FOXK1: variants seen among roughly 807,000 people sequenced by gnomAD.
FOXK1 encodes the protein forkhead box protein K1.
Under a neutral mutation model 51.9 loss-of-function variants are expected in FOXK1, and 19 were observed. The ratio of observed to expected loss-of-function variants is 0.37; its 90% CI spans 0.26 to 0.54. The LOEUF is 0.54. Ranked by LOEUF, FOXK1 falls within the 20% of genes least tolerant of loss-of-function variation. FOXK1 has a pLI of 0.87. For missense variants in FOXK1, 870 were observed against 1,032.7 expected (o/e 0.84, Z 2.16); for synonymous variants, 537 against 482.6 (o/e 1.11, Z -1.48).
rs1562373081 is a variant in FOXK1 at position 4,705,994 on chromosome 7, G to GTATGTA, written c.560+23129_560+23130insGTATAT. 3.7e-3 allele frequency among the ~76,000 whole-genome samples: 331 copies of GTATGTA among 88,968 alleles called. 19 individuals carry two copies. In the African/African-American group the frequency reaches 0.039, roughly 11 times the overall value. The allele number at this position is 88,968 out of a possible 152,430, so 58.4% of individuals were successfully genotyped here. On this transcript the variant is annotated intron_variant, in intron 1 of 8. Transcript: ENST00000328914. ...TATACGTATATATACGTATATATAC[G>GTATGTA]TATATATACGTATATATACGTATAT...
chr7:4,683,073 G>T lies in FOXK1; in HGVS notation c.560+205G>T, dbSNP rs758098883. ...GGCTCCCTAGGATCACCCCGACCCCGATCCTGGAGGCTCCAGCCTGAGGAT... is the reference window on the plus strand; with the variant it reads ...GGCTCCCTAGGATCACCCCGACCCCTATCCTGGAGGCTCCAGCCTGAGGAT... On this transcript the variant is annotated intron_variant, in intron 1 of 8. Transcript: ENST00000328914. The surrounding 1 kb of genome is among the most constrained non-coding windows in gnomAD (Gnocchi z 4.5). Among the ~76,000 whole-genome samples, 5 of 107,982 alleles carry T rather than the reference G, an allele frequency of 4.6e-5. No individual in the cohort carries two copies. The highest frequency in any genetic ancestry group is 7.3e-5 in the Non-Finnish European group (4 of 54,630). The allele number at this position is 107,982 out of a possible 152,430, so 70.8% of individuals were successfully genotyped here. A position where few individuals can be genotyped will look rare whatever the true frequency, so the allele number is the denominator to read the frequency against.
At chr7:4,699,129 T>C (rs147704239) in intron 1 of FOXK1, among the ~76,000 whole-genome samples, 202 of 152,322 alleles carry the variant, frequency 1.3e-3, no homozygotes, top group African/African-American at 4.8e-3. Flanking sequence ...CATCAGCCCT[T>C]CTTTGTCATT....
rs200047032 is a variant in FOXK1, at chr7:4,754,572, C to A, written c.860C>A (p.Ala287Glu). The A allele has an allele frequency of 1.1e-5, 17 of 1,608,708 alleles. No individual in the cohort carries two copies. Among genetic ancestry groups the A allele is most frequent in the Non-Finnish European group, 1.4e-5 (16 of 1,180,026 alleles). Residue 287 changes from alanine (A) to glutamate (E), a missense_variant, in exon 3 of 9, where the codon GCG (alanine) becomes GAG (glutamate). Transcript: ENST00000328914. ...QLAAEFAAKA[A>E]SEQQADTSGG... ...GCAGCAGAGTTTGCAGCAAAGGCCG[C>A]GTCGGAGCAGCAGGCAGACACGTCT...
At chr7:4,701,394 C>A (rs187621202) in intron 1 of FOXK1, among the ~76,000 whole-genome samples, 22 of 152,242 alleles carry the variant, frequency 1.4e-4, no homozygotes. Flanking sequence ...TTTTAGCCAC[C>A]GTGCCCAGCC....
At chr7:4,685,276 A>C (rs1428127659) in intron 1 of FOXK1, among the ~76,000 whole-genome samples, 1 of 129,164 alleles carries the variant, frequency 7.7e-6, no homozygotes, top group Non-Finnish European at 1.6e-5. Context: ...TCCAGACTGG[A>C]GTGCAGTGGC....
At position 4,766,758 on chromosome 7, in the gene FOXK1, C is replaced by T. The variant is rs1421634955; in HGVS notation, c.*4294C>T. On this transcript the variant is annotated 3_prime_UTR_variant, in exon 9 of 9. Transcript: ENST00000328914. The surrounding 1 kb of genome is among the most constrained non-coding windows in gnomAD (Gnocchi z 5.5). ...TCCATTTTCTGTACTGGTTTGAGATCACAGGCATCATTCAGCGAATGCTCT... is the reference window on the plus strand; with the variant it reads ...TCCATTTTCTGTACTGGTTTGAGATTACAGGCATCATTCAGCGAATGCTCT... The T allele has an allele frequency of 2.6e-5, 4 of 152,190 alleles. No homozygotes were observed. Among genetic ancestry groups the T allele is most frequent in the Non-Finnish European group, 5.9e-5 (4 of 68,050 alleles). 9.4% of individuals were successfully genotyped at this position (152,190 alleles called of 1,614,324 possible).
chr7:4,731,043 G>C lies in FOXK1; in HGVS notation c.561-9795G>C, dbSNP rs1469720499. Among the ~76,000 whole-genome samples the C allele has an allele frequency of 6.6e-6, 1 of 152,160 alleles. No homozygotes were observed. The highest frequency in any genetic ancestry group is 1.5e-5 in the Non-Finnish European group (1 of 68,028). Reference sequence around the variant, plus strand: ...ATTTGCTGAACAGTCTTATTTCTCGGAGGAGTTTAAGCAAACACTGCAGGG... The same window carrying C: ...ATTTGCTGAACAGTCTTATTTCTCGCAGGAGTTTAAGCAAACACTGCAGGG... On this transcript the variant is annotated intron_variant, in intron 1 of 8. Coordinates refer to ENST00000328914, the MANE Select transcript of FOXK1 (RefSeq NM_001037165.2). This position sits in a 1 kb window ranked among gnomAD's most constrained non-coding sequence, Gnocchi z 5.3.
At chr7:4,759,635 G>A (rs1007087610) in intron 7 of FOXK1, 40 bp downstream of exon 7, 2 of 1,510,044 alleles carry the variant, frequency 1.3e-6, no homozygotes, top group African/African-American at 1.4e-5. Context: ...AGGACCCTTT[G>A]TGGTGGTCCC....
Position 4,761,409 on chromosome 7 carries a change from C to T in FOXK1, c.1921+121C>T, listed in dbSNP as rs1780931256. 3.0e-6 allele frequency: 3 copies of T among 1,016,230 alleles called. No individual in the cohort carries two copies. The highest frequency in any genetic ancestry group is 1.6e-5 in the African/African-American group (1 of 62,944). 63.0% of individuals were successfully genotyped at this position (1,016,230 alleles called of 1,614,324 possible). On this transcript the variant is annotated intron_variant, in intron 8 of 8. Transcript: ENST00000328914. The surrounding 1 kb of genome is among the most constrained non-coding windows in gnomAD (Gnocchi z 6.2). ...CCTCCACTCAGTTCAATTTATTGAG[C>T]ACCTGCTATACTCCAGGCACTGGGG... is the stretch of plus-strand genomic sequence containing the variant.
chr7:4,715,171 A>ATGATACGGGGCACGGTGGAACTGTGG lies in FOXK1; in HGVS notation c.561-25667_561-25666insTGATACGGGGCACGGTGGAACTGTGG, dbSNP rs1562376402. On this transcript the variant is annotated intron_variant, in intron 1 of 8. Transcript: ENST00000328914. The surrounding 1 kb of genome is among the most constrained non-coding windows in gnomAD (Gnocchi z 4.5). Reference sequence around the variant, plus strand: ...TGATACGGTACATGGTGGAACTGTGACGATACGGGGCACGGTGGAACTGTG... The same window carrying ATGATACGGGGCACGGTGGAACTGTGG: ...TGATACGGTACATGGTGGAACTGTGATGATACGGGGCACGGTGGAACTGTGGCGATACGGGGCACGGTGGAACTGTG... Among the ~76,000 whole-genome samples the ATGATACGGGGCACGGTGGAACTGTGG allele has an allele frequency of 2.7e-5, 4 of 147,682 alleles. No homozygotes were observed. The highest frequency in any genetic ancestry group is 2.6e-5 in the African/African-American group (1 of 38,966).
In FOXK1 at chr7:4,755,085, CA is replaced by C. The variant is rs2115071516; in HGVS notation, c.904-151del. 1 of 906,092 alleles carries C rather than the reference CA, an allele frequency of 1.1e-6. No homozygotes were observed. Among genetic ancestry groups the C allele is most frequent in the African/African-American group, 1.7e-5 (1 of 60,010 alleles). The allele number at this position is 906,092 out of a possible 1,614,324, so 56.1% of individuals were successfully genotyped here. On this transcript the variant is annotated intron_variant, in intron 3 of 8. Transcript: ENST00000328914. The surrounding 1 kb of genome is among the most constrained non-coding windows in gnomAD (Gnocchi z 6.6). ...GGTTGTTCCTAGTTGAATGCAAGCA[CA>C]TTAATGGGATAGTTGGAGGGCACTG... is the stretch of plus-strand genomic sequence containing the variant.
intron 1 of FOXK1, among the ~76,000 whole-genome samples, chr7:4,714,076 T>A (rs1780206644): frequency 6.6e-6 from 1 of 152,194 alleles, no homozygotes; most frequent in Non-Finnish European, 1.5e-5. Flanking sequence ...TCCACCCACC[T>A]CAGCTTCCCA....
chr7:4,755,369 G>A lies in FOXK1; in HGVS notation c.1036G>A (p.Asp346Asn), dbSNP rs758742973. ...TKHYPYYRTA[D>N]KGWQNSIRHN... The stretch of plus-strand genomic sequence containing the variant: ...GCATTACCCCTACTACCGGACGGCC[G>A]ACAAAGGCTGGCAGGTGAAGCCGAG... Residue 346 changes from aspartate (D) to asparagine (N), a missense_variant, in exon 4 of 9, where the codon GAC (aspartate) becomes AAC (asparagine). Asp to Asn is a conservative substitution (Grantham distance 23). Coordinates refer to ENST00000328914, the MANE Select transcript of FOXK1 (RefSeq NM_001037165.2). This position sits in a 1 kb window ranked among gnomAD's most constrained non-coding sequence, Gnocchi z 6.6. 1.2e-6 allele frequency: 2 copies of A among 1,613,494 alleles called. No individual in the cohort carries two copies. Among genetic ancestry groups the A allele is most frequent in the South Asian group, 1.1e-5 (1 of 91,088 alleles).
intron 2 of FOXK1, 35 bp downstream of exon 2, chr7:4,741,058 G>A: frequency 2.1e-6 from 3 of 1,415,694 alleles, no homozygotes; most frequent in Non-Finnish European, 2.8e-6. Flanking sequence ...TGGGCCCCCA[G>A]GAGAGAGGGG....
At chr7:4,732,233 C>G (rs556626743) in intron 1 of FOXK1, among the ~76,000 whole-genome samples, 1 of 151,592 alleles carries the variant, frequency 6.6e-6, no homozygotes, top group African/African-American at 2.4e-5. Context: ...CACAAGAACT[C>G]TGATTATGCA....
At chr7:4,718,556 G>A (rs779884849) in intron 1 of FOXK1, among the ~76,000 whole-genome samples, 2 of 152,208 alleles carry the variant, frequency 1.3e-5, no homozygotes, top group Non-Finnish European at 2.9e-5. Flanking sequence ...TAGCTGCTGT[G>A]AGCAACCATG....
chr7:4,713,236 A>G (rs1242496163), intron 1 of FOXK1, among the ~76,000 whole-genome samples: 1 of 152,216 alleles, frequency 6.6e-6, no homozygotes, highest in Non-Finnish European at 1.5e-5. Flanking sequence ...GTTGAAAATT[A>G]TTATTTCTTT....
chr7:4,696,561 C>G (rs1779954664), intron 1 of FOXK1, among the ~76,000 whole-genome samples: 2 of 152,186 alleles, frequency 1.3e-5, no homozygotes, highest in South Asian at 4.1e-4. Context: ...GGTGTGAATA[C>G]CGGGTATCTC....
chr7:4,738,164 C>T (rs1167484377), intron 1 of FOXK1, among the ~76,000 whole-genome samples: 3 of 149,856 alleles, frequency 2.0e-5, no homozygotes, highest in South Asian at 2.1e-4. Context: ...TGGCCAGTCA[C>T]GGTGGCTCAT....
Sources: allele counts gnomAD v4.1 joint callset (sites outside exome capture counted in the v4.1 genomes callset), GRCh38; gene constraint gnomAD v4.1.1; non-coding constraint Gnocchi (gnomAD v3.1); transcripts MANE v1.5; gene names NCBI Gene and HGNC (gene_info 2026-07-23, HGNC 2026-07-21).